SYNE2: variants seen among roughly 807,000 people sequenced by gnomAD.
The protein encoded by SYNE2 is nesprin-2.
A neutral mutation model predicts 856.3 loss-of-function variants in SYNE2; 431 were observed. That is an observed-to-expected ratio of 0.50 (90% CI 0.47 to 0.55). The LOEUF (loss-of-function observed/expected upper bound fraction) is 0.55, where lower values mean the gene tolerates loss of function less well. Ranked by LOEUF, SYNE2 falls within the 20% of genes least tolerant of loss-of-function variation. The pLI is 0.00. For missense variants in SYNE2, 8,129 were observed against 8,023.2 expected (o/e 1.01, Z -0.50); for synonymous variants, 2,923 against 2,872.3 (o/e 1.02, Z -0.56).
At chr14:64,081,971 A>G (rs2097527280) in intron 57 of SYNE2, among the ~76,000 whole-genome samples, 1 of 152,174 alleles carries the variant, frequency 6.6e-6, no homozygotes, top group Middle Eastern at 3.4e-3. Flanking sequence ...CTGTAGTCCC[A>G]GCTACTCGGG....
rs748714247 is a variant in SYNE2, at chr14:64,210,066, G to C, written c.18665G>C (p.Gly6222Ala). 1 of 1,614,084 alleles carries C rather than the reference G, an allele frequency of 6.2e-7. No individual in the cohort carries two copies. Among genetic ancestry groups the C allele is most frequent in the Non-Finnish European group, 8.5e-7 (1 of 1,180,040 alleles). The change falls in exon 103 of 116, where the codon GGC becomes GCC. Residue 6222 changes from glycine (G) to alanine (A), a missense_variant. Gly to Ala is a moderately conservative substitution (Grantham distance 60, BLOSUM62 0). Transcript: ENST00000555002. ...AGGCTGAAGCAGATGGTCCACGAGG[G>C]CAACCAGCGCTGGGACAACCTTCAG... is the stretch of plus-strand genomic sequence containing the variant. Reference protein sequence around the residue: ...ASRLKQMVHEGNQRWDNLQRR... With the variant: ...ASRLKQMVHEANQRWDNLQRR...
chr14:64,185,318 C>A (rs2098483079), intron 96 of SYNE2, among the ~76,000 whole-genome samples: 1 of 151,898 alleles, frequency 6.6e-6, no homozygotes, highest in Admixed American at 6.6e-5. Flanking sequence ...TTTCATTTGA[C>A]AGATAGGAGT....
At chr14:64,189,566 A>G (rs1273522322) in intron 98 of SYNE2, among the ~76,000 whole-genome samples, 2 of 152,222 alleles carry the variant, frequency 1.3e-5, no homozygotes, top group Non-Finnish European at 2.9e-5. Flanking sequence ...GTGAGAGGAA[A>G]CAGAGGGCTT....
intron 1 of SYNE2, among the ~76,000 whole-genome samples, chr14:63,855,078 C>T (rs1422646542): frequency 3.9e-5 from 6 of 152,166 alleles, no homozygotes; most frequent in Non-Finnish European, 5.9e-5. Context: ...ATAATAGTTA[C>T]TCCTTATAGA....
At chr14:64,078,252 T>G (rs566496982) in intron 54 of SYNE2, among the ~76,000 whole-genome samples, 3 of 152,320 alleles carry the variant, frequency 2.0e-5, no homozygotes, top group Non-Finnish European at 2.9e-5. Flanking sequence ...TTTATTTTAT[T>G]TAAGATGAGA....
chr14:63,838,408 T>G (rs1439412463), intron 1 of SYNE2, among the ~76,000 whole-genome samples: 3 of 152,168 alleles, frequency 2.0e-5, no homozygotes, highest in African/African-American at 7.2e-5. Context: ...CATTTAAAAT[T>G]TGTGCATTTT....
intron 1 of SYNE2, among the ~76,000 whole-genome samples, chr14:63,890,772 TAATGGGGA>T (rs1438792309): frequency 1.3e-5 from 2 of 152,220 alleles, no homozygotes; most frequent in South Asian, 2.1e-4. Context: ...CTGTCTGCCT[TAATGGGGA>T]AATCTTGAGG....
rs1171461223 is a variant in SYNE2 at position 64,051,612 on chromosome 14, A to G, written c.7699A>G (p.Ile2567Val). Reference protein sequence around the residue: ...LDKIKKFIASIEKEKDSLGNL... With the variant: ...LDKIKKFIASVEKEKDSLGNL... ...CAAAATTAAAAAATTCATAGCATCCATAGAAAAAGAGAAAGATTCTTTAGG... is the reference window on the plus strand; with the variant it reads ...CAAAATTAAAAAATTCATAGCATCCGTAGAAAAAGAGAAAGATTCTTTAGG... Residue 2567 changes from isoleucine (I) to valine (V), a missense_variant, in exon 48 of 116, where the codon ATA becomes GTA. Ile to Val is a conservative substitution (Grantham distance 29). Coordinates refer to ENST00000555002, the MANE Select transcript of SYNE2 (RefSeq NM_182914.3). The G allele has an allele frequency of 2.5e-6, 4 of 1,613,892 alleles. No individual in the cohort carries two copies. The highest frequency in any genetic ancestry group is 3.4e-6 in the Non-Finnish European group (4 of 1,179,940).
At position 63,941,696 on chromosome 14, in the gene SYNE2, A is replaced by T; in HGVS notation, c.143A>T (p.His48Leu). The stretch of plus-strand genomic sequence containing the variant: ...TATTTTTCTTGTGACCTTCTGCAGC[A>T]CACTTCTCCCTCAGTTATATCCGAC... ...TCWINSQLAR[H>L]TSPSVISDLF... The change falls in exon 4 of 116, where the codon CAC (histidine) becomes CTC (leucine). Residue 48 changes from histidine (H) to leucine (L), a missense_variant and splice_region_variant. Coordinates refer to ENST00000555002, the MANE Select transcript of SYNE2 (RefSeq NM_182914.3). 1 of 1,613,686 alleles carries T rather than the reference A, an allele frequency of 6.2e-7. No homozygotes were observed. Among genetic ancestry groups the T allele is most frequent in the Non-Finnish European group, 8.5e-7 (1 of 1,179,618 alleles).
chr14:63,941,171 A>C (rs2095909855), intron 3 of SYNE2, among the ~76,000 whole-genome samples: 1 of 152,198 alleles, frequency 6.6e-6, no homozygotes, highest in African/African-American at 2.4e-5. Context: ...CTGGGATATG[A>C]ACCCAGACAG....
chr14:63,807,905 T>C lies in SYNE2; in HGVS notation c.-304-44596T>C, dbSNP rs527691619. 9.1e-4 allele frequency among the ~76,000 whole-genome samples: 123 copies of C among 135,034 alleles called. 1 individual carries two copies. The highest frequency in any genetic ancestry group is 3.1e-3 in the African/African-American group (117 of 37,586). The allele number at this position is 135,034 out of a possible 152,430, so 88.6% of individuals were successfully genotyped here. ...TGGGAACAAGTGGTGTTTGGTTACA[T>C]GGATAAGTTCTTCTGTGGTGATTTC... is the stretch of plus-strand genomic sequence containing the variant. On this transcript the variant is annotated intron_variant, in intron 1 of 23. Coordinates refer to the SYNE2 transcript ENST00000674003.
chr14:64,104,733 G>A (rs1017412548), intron 64 of SYNE2, among the ~76,000 whole-genome samples: 1 of 152,100 alleles, frequency 6.6e-6, no homozygotes, highest in Non-Finnish European at 1.5e-5. Context: ...TTACAGGTGT[G>A]AGCCACTGCG....
Position 63,967,799 on chromosome 14 carries a change from A to C in SYNE2, c.1081A>C (p.Lys361Gln), listed in dbSNP as rs967125424. 1.2e-6 allele frequency: 2 copies of C among 1,614,154 alleles called. No homozygotes were observed. Among genetic ancestry groups the C allele is most frequent in the South Asian group, 2.2e-5 (2 of 91,086 alleles). The change falls in exon 11 of 116, where the codon AAG becomes CAG. Residue 361 changes from lysine to glutamine, a missense_variant. Around this residue, in one of 3 missense-constraint regions of SYNE2, gnomAD observed 2,422 missense variants for 2,357.4 expected, o/e 1.03. Transcript: ENST00000555002. ...SIKRDLDELD[K>Q]DHLQLREAWD... ...AAAACGGGATCTGGATGAGCTGGAC[A>C]AGGATCATTTACAGTTGAGAGAAGC... is the stretch of plus-strand genomic sequence containing the variant.
At chr14:64,030,428 A>G (rs1397078854) in intron 44 of SYNE2, among the ~76,000 whole-genome samples, 1 of 152,244 alleles carries the variant, frequency 6.6e-6, no homozygotes, top group Non-Finnish European at 1.5e-5. Context: ...ATAACGACTG[A>G]TAAACTGTAC....
At chr14:64,088,470 T>G (rs1412153710) in intron 58 of SYNE2, among the ~76,000 whole-genome samples, 4 of 152,264 alleles carry the variant, frequency 2.6e-5, no homozygotes, top group East Asian at 1.9e-4. Context: ...TTAAAAGAGA[T>G]AGTTCTGGCT....
At chr14:64,146,319 T>C (rs2098187039) in intron 84 of SYNE2, 96 bp downstream of exon 84, 1 of 1,157,994 alleles carries the variant, frequency 8.6e-7, no homozygotes, top group Non-Finnish European at 1.2e-6. Flanking sequence ...TTGTGGAAAC[T>C]CTCTTCCAGC....
chr14:64,130,329 A>G lies in SYNE2; in HGVS notation c.14340+81A>G. The G allele has an allele frequency of 3.2e-6, 4 of 1,247,638 alleles. No homozygotes were observed. The East Asian group carries it at 7.6e-5, about 24-fold the overall frequency. The allele number at this position is 1,247,638 out of a possible 1,614,324, so 77.3% of individuals were successfully genotyped here. On this transcript the variant is annotated intron_variant, in intron 76 of 115. Coordinates refer to ENST00000555002, the MANE Select transcript of SYNE2 (RefSeq NM_182914.3). ...TTCTGAATGTGAACAGAAAGGATCC[A>G]TTTTTCTTCTTTGTTGAAATTTAAG...
At chr14:63,931,549 CAAA>C (rs564187169) in intron 2 of SYNE2, among the ~76,000 whole-genome samples, 4 of 88,756 alleles carry the variant, frequency 4.5e-5, no homozygotes, top group Non-Finnish European at 1.0e-4. Flanking sequence ...GACTCTGTCT[CAAA>C]AAAAAAAAAA....
chr14:64,140,661 T>G (rs935251735), intron 80 of SYNE2, among the ~76,000 whole-genome samples: 51 of 152,254 alleles, frequency 3.3e-4, no homozygotes, highest in Admixed American at 3.1e-3. Context: ...ATAAGGTTAT[T>G]AACTTATAAA....
Sources: allele counts gnomAD v4.1 joint callset (sites outside exome capture counted in the v4.1 genomes callset), GRCh38; gene constraint gnomAD v4.1.1; regional missense constraint gnomAD v4.1.1; transcripts MANE v1.5; gene names NCBI Gene and HGNC (gene_info 2026-07-23, HGNC 2026-07-21).